ARHGAP18: variants seen among roughly 807,000 people sequenced by gnomAD.
ARHGAP18 encodes the protein Rho GTPase activating protein 18.
Under a neutral mutation model 86.2 loss-of-function variants are expected in ARHGAP18, and 67 were observed. The ratio of observed to expected loss-of-function variants is 0.78; its 90% CI spans 0.64 to 0.95. ARHGAP18 has a LOEUF of 0.95. Ranked by LOEUF, ARHGAP18 falls within the 40% of genes least tolerant of loss-of-function variation. The pLI is 0.00. For synonymous variants in ARHGAP18, 283 were observed against 280.4 expected, an observed-to-expected ratio of 1.01 and a Z score of -0.09; for missense variants, 691 against 780.4, an observed-to-expected ratio of 0.89 and a Z score of 1.37.
intron 1 of ARHGAP18, among the ~76,000 whole-genome samples, chr6:129,687,016 G>A (rs1391864876): frequency 7.2e-6 from 1 of 138,774 alleles, no homozygotes; most frequent in Non-Finnish European, 1.5e-5. Context: ...TAGAGACGAG[G>A]TTTCACCATG....
At chr6:129,697,553 A>G (rs975906842) in intron 1 of ARHGAP18, among the ~76,000 whole-genome samples, 1 of 151,994 alleles carries the variant, frequency 6.6e-6, no homozygotes, top group Non-Finnish European at 1.5e-5. Flanking sequence ...TTCATTTACT[A>G]CCTGTCAGGC....
intron 12 of ARHGAP18, among the ~76,000 whole-genome samples, chr6:129,589,352 C>A (rs529669982): frequency 6.6e-6 from 1 of 152,322 alleles, no homozygotes; most frequent in African/African-American, 2.4e-5. Context: ...ATCTCTAGGG[C>A]AGAGTCAAAT....
intron 2 of ARHGAP18, among the ~76,000 whole-genome samples, chr6:129,639,557 G>C (rs1220123681): frequency 1.3e-5 from 2 of 152,148 alleles, no homozygotes; most frequent in Non-Finnish European, 2.9e-5. Flanking sequence ...ATGTTATATG[G>C]AAGGAGCTTT....
At chr6:129,653,348 A>G (rs1773756153) in intron 1 of ARHGAP18, among the ~76,000 whole-genome samples, 1 of 152,254 alleles carries the variant, frequency 6.6e-6, no homozygotes, top group Non-Finnish European at 1.5e-5. Context: ...ATACCTAGAT[A>G]GGAAAAAAGA....
intron 1 of ARHGAP18, among the ~76,000 whole-genome samples, chr6:129,644,598 T>A (rs1486282286): frequency 6.6e-6 from 1 of 152,186 alleles, no homozygotes; most frequent in Non-Finnish European, 1.5e-5. Flanking sequence ...CCTTTAACTC[T>A]TACCCCCCTG....
intron 1 of ARHGAP18, among the ~76,000 whole-genome samples, chr6:129,663,745 C>A (rs1207218631): frequency 6.6e-6 from 1 of 152,196 alleles, no homozygotes; most frequent in Non-Finnish European, 1.5e-5. Flanking sequence ...GACAGTCCAA[C>A]CCACTAATCT....
intron 3 of ARHGAP18, among the ~76,000 whole-genome samples, 172 bp from the exon 4 acceptor site, chr6:129,634,277 AT>A (rs771559908): frequency 6.6e-6 from 1 of 152,218 alleles, no homozygotes; most frequent in African/African-American, 2.4e-5. Context: ...CATCCAAAAA[AT>A]ATTTTATTAC....
intron 13 of ARHGAP18, 66 bp downstream of exon 13, chr6:129,583,922 C>T (rs183131837): frequency 0.015 from 22,625 of 1,534,504 alleles, 272 homozygotes; most frequent in South Asian, 0.045. Context: ...GAAGCAGCAG[C>T]GAAGGCGAGA....
chr6:129,606,739 G>C (rs572520040), intron 9 of ARHGAP18, among the ~76,000 whole-genome samples: 2 of 151,964 alleles, frequency 1.3e-5, no homozygotes, highest in African/African-American at 4.8e-5. Context: ...TTTCAGTTCC[G>C]TCTCTCCTAG....
chr6:129,616,707 G>A (rs1789106101), intron 6 of ARHGAP18, among the ~76,000 whole-genome samples: 1 of 152,182 alleles, frequency 6.6e-6, no homozygotes, highest in African/African-American at 2.4e-5. Context: ...CAGCACTTTG[G>A]GAAGCCAAGG....
Position 129,625,058 on chromosome 6 carries a change from T to C in ARHGAP18, c.786+4295A>G, listed in dbSNP as rs1789325342. On this transcript the variant is annotated intron_variant, in intron 5 of 14. Coordinates refer to ENST00000368149, the MANE Select transcript of ARHGAP18 (RefSeq NM_033515.3). Reference sequence around the variant, plus strand: ...ATATTTATATAATATATATGATTGATATATATTTATATATAATATATATGA... The same window carrying C: ...ATATTTATATAATATATATGATTGACATATATTTATATATAATATATATGA... 1.8e-5 allele frequency among the ~76,000 whole-genome samples: 2 copies of C among 114,106 alleles called. 1 individual carries two copies. The highest frequency in any genetic ancestry group is 2.4e-4 in the Admixed American group (2 of 8,288). The allele number at this position is 114,106 out of a possible 152,430, so 74.9% of individuals were successfully genotyped here. A position where few individuals can be genotyped will look rare whatever the true frequency, so the allele number is the denominator to read the frequency against.
At chr6:129,706,890 A>C (rs75902845) in intron 1 of ARHGAP18, among the ~76,000 whole-genome samples, 2 of 150,244 alleles carry the variant, frequency 1.3e-5, no homozygotes, top group Admixed American at 6.6e-5. Context: ...TGTCTCAAAA[A>C]AAAAAAAAAA....
At chr6:129,700,401 C>G (rs927190612) in intron 1 of ARHGAP18, among the ~76,000 whole-genome samples, 6 of 152,140 alleles carry the variant, frequency 3.9e-5, no homozygotes, top group Non-Finnish European at 5.9e-5. Flanking sequence ...AAAACAGTCA[C>G]CTGGGCCTAA....
At chr6:129,621,795 A>G (rs986479082) in intron 5 of ARHGAP18, among the ~76,000 whole-genome samples, 2 of 152,206 alleles carry the variant, frequency 1.3e-5, no homozygotes, top group African/African-American at 4.8e-5. Flanking sequence ...AAAACAGTTC[A>G]TTTAATCCTT....
At chr6:129,634,229 G>T in intron 3 of ARHGAP18, 124 bp from the exon 4 acceptor site, 1 of 705,590 alleles carries the variant, frequency 1.4e-6, no homozygotes, top group Non-Finnish European at 2.3e-6. Flanking sequence ...AACAATCACA[G>T]TGAAAAAGGG....
intron 11 of ARHGAP18, 23 bp downstream of exon 11, chr6:129,600,619 C>T: frequency 1.9e-6 from 3 of 1,572,748 alleles, no homozygotes; most frequent in Non-Finnish European, 2.6e-6. Context: ...CTACTAAGAC[C>T]AAAGCATATG....
At chr6:129,648,610 TAA>T (rs35138402) in intron 1 of ARHGAP18, among the ~76,000 whole-genome samples, 1 of 148,542 alleles carries the variant, frequency 6.7e-6, no homozygotes. Context: ...CATCTCTATT[TAA>T]AAAAAAAAAA....
intron 1 of ARHGAP18, among the ~76,000 whole-genome samples, chr6:129,652,962 A>G (rs1243593080): frequency 6.6e-6 from 1 of 152,232 alleles, no homozygotes; most frequent in Non-Finnish European, 1.5e-5. Context: ...ACTTTCATAT[A>G]ACTTTCTATG....
chr6:129,614,246 C>T (rs1028460377), intron 7 of ARHGAP18, among the ~76,000 whole-genome samples: 4 of 152,056 alleles, frequency 2.6e-5, no homozygotes, highest in African/African-American at 7.2e-5. Context: ...GCAAATCAGT[C>T]GTTTCTAATT....
Sources: allele counts gnomAD v4.1 joint callset (sites outside exome capture counted in the v4.1 genomes callset), GRCh38; gene constraint gnomAD v4.1.1; transcripts MANE v1.5; gene names NCBI Gene and HGNC (gene_info 2026-07-23, HGNC 2026-07-21).